Variants in IGF1R observed in about 807,000 individuals in gnomAD.
The protein encoded by IGF1R is insulin-like growth factor 1 receptor.
A neutral mutation model predicts 144.6 loss-of-function variants in IGF1R; 44 were observed. The ratio of observed to expected loss-of-function variants is 0.30; its 90% CI spans 0.24 to 0.39. IGF1R has a LOEUF of 0.39. Among genes scored for constraint, IGF1R ranks in the 10% least tolerant of loss-of-function variants. The pLI is 1.00. For synonymous variants in IGF1R, 795 were observed against 722.8 expected, an observed-to-expected ratio of 1.10 and a Z score of -1.60; for missense variants, 1,355 against 1,833.7, an observed-to-expected ratio of 0.74 and a Z score of 4.77.
intron 1 of IGF1R, among the ~76,000 whole-genome samples, chr15:98,680,261 G>A (rs1162094684): frequency 1.4e-5 from 2 of 145,016 alleles, no homozygotes; most frequent in African/African-American, 2.7e-5. Flanking sequence ...TCCCATATAC[G>A]TATGTATACT....
intron 8 of IGF1R, among the ~76,000 whole-genome samples, chr15:98,914,365 C>T (rs999333859): frequency 4.6e-5 from 7 of 152,258 alleles, no homozygotes; most frequent in South Asian, 2.1e-4. Context: ...TACCCATAAG[C>T]GAGCACAAAA....
At chr15:98,930,201 G>A (rs777237875) in intron 14 of IGF1R, 34 bp from the exon 15 acceptor site, 13 of 1,457,368 alleles carry the variant, frequency 8.9e-6, no homozygotes, top group Non-Finnish European at 1.3e-5. Context: ...ATGGAGGTGG[G>A]GTTTTGTTAA....
intron 2 of IGF1R, among the ~76,000 whole-genome samples, chr15:98,867,455 C>T (rs1448500136): frequency 6.6e-6 from 1 of 152,210 alleles, no homozygotes; most frequent in Non-Finnish European, 1.5e-5. Flanking sequence ...TGAGTCCCCA[C>T]GGCTCCTTTG....
At chr15:98,817,224 C>T (rs571809140) in intron 2 of IGF1R, among the ~76,000 whole-genome samples, 1 of 152,106 alleles carries the variant, frequency 6.6e-6, no homozygotes, top group South Asian at 2.1e-4. Context: ...ATGGCTTGAA[C>T]CCGGGAGGCA....
Position 98,891,608 on chromosome 15 carries a change from C to T in IGF1R, c.924C>T (p.Pro308=). The T allele has an allele frequency of 6.2e-7, 1 of 1,602,470 alleles. No individual in the cohort carries two copies. The highest frequency in any genetic ancestry group is 1.6e-4 in the Middle Eastern group (1 of 6,062). Residue 308 remains proline (P), a synonymous_variant, in exon 3 of 21, where the codon CCC becomes CCT. Transcript: ENST00000650285. The surrounding 1 kb of genome is among the most constrained non-coding windows in gnomAD (Gnocchi z 4.7). ...IHDGECMQEC[P]SGFIRNGSQS... is the part of the protein sequence containing the mutation. Reference sequence around the variant, plus strand: ...ACGGCGAGTGCATGCAGGAGTGCCCCTCGGGCTTCATCCGCAACGGCAGCC... The same window carrying T: ...ACGGCGAGTGCATGCAGGAGTGCCCTTCGGGCTTCATCCGCAACGGCAGCC...
chr15:98,803,929 G>C (rs905491221), intron 2 of IGF1R, among the ~76,000 whole-genome samples: 3 of 152,184 alleles, frequency 2.0e-5, no homozygotes, highest in African/African-American at 7.2e-5. Flanking sequence ...ACTGTGCACT[G>C]TTGTACGTGC....
At chr15:98,768,521 A>T (rs2055493941) in intron 2 of IGF1R, among the ~76,000 whole-genome samples, 1 of 151,542 alleles carries the variant, frequency 6.6e-6, no homozygotes, top group East Asian at 1.9e-4. Context: ...AGGCTGAGGC[A>T]GGAGAATCAC....
At chr15:98,735,900 T>G (rs1044845015) in intron 2 of IGF1R, among the ~76,000 whole-genome samples, 1 of 152,200 alleles carries the variant, frequency 6.6e-6, no homozygotes, top group Non-Finnish European at 1.5e-5. Flanking sequence ...TCCTGCCTCC[T>G]CCCAAAGCTC....
intron 2 of IGF1R, among the ~76,000 whole-genome samples, chr15:98,749,141 A>G (rs932950047): frequency 1.4e-4 from 21 of 149,756 alleles, no homozygotes; most frequent in Admixed American, 1.0e-3. Flanking sequence ...TAGGCTTAGC[A>G]TAGTTGCAGT....
intron 2 of IGF1R, among the ~76,000 whole-genome samples, chr15:98,736,614 T>G (rs1055167953): frequency 7.1e-6 from 1 of 141,272 alleles, no homozygotes; most frequent in South Asian, 2.1e-4. Context: ...TTTTTTCTTT[T>G]TTCTTTTTTT....
At chr15:98,814,333 A>G (rs1292911163) in intron 2 of IGF1R, among the ~76,000 whole-genome samples, 1 of 152,010 alleles carries the variant, frequency 6.6e-6, no homozygotes, top group Non-Finnish European at 1.5e-5. Context: ...CGGTGCCCTT[A>G]TATGATTTGG....
intron 1 of IGF1R, among the ~76,000 whole-genome samples, chr15:98,694,188 G>T (rs1357472958): frequency 6.6e-6 from 1 of 152,108 alleles, no homozygotes; most frequent in Non-Finnish European, 1.5e-5. Flanking sequence ...ACATGCTGCT[G>T]ACTTTTAAGC....
chr15:98,941,870 G>A (rs776114118), intron 18 of IGF1R, among the ~76,000 whole-genome samples: 3 of 152,164 alleles, frequency 2.0e-5, no homozygotes, highest in Admixed American at 6.5e-5. Flanking sequence ...GAAGGAGAAC[G>A]GAAGAGTCCA....
intron 10 of IGF1R, among the ~76,000 whole-genome samples, chr15:98,920,864 GC>G (rs1389480206): frequency 2.0e-5 from 3 of 152,166 alleles, no homozygotes; most frequent in Admixed American, 1.3e-4. Context: ...AGCCTCAGAG[GC>G]CCTTTCCCAA....
At chr15:98,670,142 T>C (rs1422858539) in intron 1 of IGF1R, among the ~76,000 whole-genome samples, 1 of 152,096 alleles carries the variant, frequency 6.6e-6, no homozygotes, top group Admixed American at 6.5e-5. Flanking sequence ...TAAAAAGAGC[T>C]TACATTGTCT....
intron 2 of IGF1R, among the ~76,000 whole-genome samples, chr15:98,780,806 C>A (rs1389632076): frequency 1.3e-5 from 2 of 152,114 alleles, no homozygotes; most frequent in East Asian, 1.9e-4. Context: ...AACTGCATTT[C>A]TTTTTAATTA....
intron 2 of IGF1R, among the ~76,000 whole-genome samples, chr15:98,753,365 C>T (rs926386172): frequency 6.8e-6 from 1 of 147,162 alleles, no homozygotes; most frequent in African/African-American, 2.5e-5. Flanking sequence ...CACAAGTATG[C>T]ACCACCATAC....
At chr15:98,685,135 G>A (rs2053294025) in intron 1 of IGF1R, among the ~76,000 whole-genome samples, 1 of 151,432 alleles carries the variant, frequency 6.6e-6, no homozygotes, top group South Asian at 2.1e-4. Flanking sequence ...GTAGAGATGG[G>A]AGTCTCACTA....
intron 2 of IGF1R, among the ~76,000 whole-genome samples, chr15:98,825,252 G>A (rs1254171094): frequency 1.3e-5 from 2 of 152,184 alleles, no homozygotes; most frequent in Non-Finnish European, 2.9e-5. Context: ...TGAGAAAACT[G>A]GTACCTCCCA....
Sources: gnomAD v4.1 joint callset for allele counts (sites outside exome capture counted in the v4.1 genomes callset) on GRCh38, gnomAD v4.1.1 for gene constraint, Gnocchi (gnomAD v3.1) non-coding constraint, MANE v1.5 for transcripts, NCBI Gene and HGNC (gene_info 2026-07-23, HGNC 2026-07-21) for gene names.